The following MCHR2 variants were observed in gnomAD, a reference collection of about 807,000 sequenced individuals.
MCHR2 encodes melanin concentrating hormone receptor 2.
MCHR2 carries 15 observed loss-of-function variants against 24.8 expected under a neutral mutation model. That is an observed-to-expected ratio of 0.60 (90% CI 0.40 to 0.93). The LOEUF is 0.93. Among genes scored for constraint, MCHR2 ranks in the 40% least tolerant of loss-of-function variants. The pLI is 0.00. For synonymous variants in MCHR2, 151 were observed against 147.6 expected, an observed-to-expected ratio of 1.02 and a Z score of -0.17; for missense variants, 386 against 408.7, an observed-to-expected ratio of 0.94 and a Z score of 0.48.
intron 1 of MCHR2, among the ~76,000 whole-genome samples, chr6:99,973,266 A>T (rs9385961): frequency 0.41 from 60,622 of 149,590 alleles, 12,816 homozygotes; most frequent in East Asian, 0.75. Flanking sequence ...GTGCATATTT[A>T]TTTATGATAG....
chr6:99,973,012 GT>G (rs1399504070), intron 1 of MCHR2, among the ~76,000 whole-genome samples: 1 of 152,020 alleles, frequency 6.6e-6, no homozygotes, highest in Non-Finnish European at 1.5e-5. Flanking sequence ...TAGGTGTTGT[GT>G]GGTGCTGAAA....
At chr6:99,972,186 G>C (rs1335098605) in intron 1 of MCHR2, among the ~76,000 whole-genome samples, 1 of 152,152 alleles carries the variant, frequency 6.6e-6, no homozygotes, top group Non-Finnish European at 1.5e-5. Context: ...GAATCCATCT[G>C]GTTCTGGACT....
At chr6:99,946,039 A>G (rs935219775) in intron 3 of MCHR2, among the ~76,000 whole-genome samples, 33 of 151,970 alleles carry the variant, frequency 2.2e-4, no homozygotes, top group Non-Finnish European at 4.1e-4. Context: ...TTTTTCAAAA[A>G]AAGCCAATAT....
At chr6:99,937,758 T>G (rs1027076599) in intron 4 of MCHR2, among the ~76,000 whole-genome samples, 24 of 151,616 alleles carry the variant, frequency 1.6e-4, no homozygotes, top group Non-Finnish European at 2.1e-4. Context: ...TTCATTTTTT[T>G]TTTTTGAAGT....
At chr6:99,924,912 T>C (rs1774318229) in intron 5 of MCHR2, among the ~76,000 whole-genome samples, 1 of 152,160 alleles carries the variant, frequency 6.6e-6, no homozygotes, top group Admixed American at 6.5e-5. Flanking sequence ...ATATATTAGA[T>C]CCATTTGGTC....
At chr6:99,941,123 T>A (rs1342077539) in intron 4 of MCHR2, among the ~76,000 whole-genome samples, 1 of 152,044 alleles carries the variant, frequency 6.6e-6, no homozygotes. Context: ...TCTCGTTTTT[T>A]TCAGTGTAGA....
chr6:99,956,076 A>C lies in MCHR2; in HGVS notation c.72T>G (p.Phe24Leu). The C allele has an allele frequency of 6.2e-7, 1 of 1,613,590 alleles. No individual in the cohort carries two copies. Among genetic ancestry groups the C allele is most frequent in the South Asian group, 1.1e-5 (1 of 91,050 alleles). The change falls in exon 2 of 6, where the codon TTT (phenylalanine) becomes TTG (leucine). Residue 24 changes from phenylalanine (F) to leucine (L), a missense_variant. Physicochemically the swap from Phe to Leu is conservative, Grantham distance 22. Coordinates refer to ENST00000281806, the MANE Select transcript of MCHR2 (RefSeq NM_001040179.2). ...CTACCACACTGGCAGTTTGATAAGCAAACTCTTTATTCCAGGATTTGTTTA... is the reference window on the plus strand; with the variant it reads ...CTACCACACTGGCAGTTTGATAAGCCAACTCTTTATTCCAGGATTTGTTTA... ...ELLNKSWNKE[F>L]AYQTASVVDT...
intron 4 of MCHR2, among the ~76,000 whole-genome samples, chr6:99,942,512 A>G (rs920215952): frequency 4.6e-5 from 7 of 152,144 alleles, no homozygotes; most frequent in Non-Finnish European, 8.8e-5. Flanking sequence ...AAAAAACCCT[A>G]TTTCCAAATA....
chr6:99,932,555 T>C (rs111346430), intron 5 of MCHR2, among the ~76,000 whole-genome samples: 11 of 152,196 alleles, frequency 7.2e-5, no homozygotes, highest in African/African-American at 2.7e-4. Context: ...AAGGCTAGTA[T>C]CAACAGTGAT....
intron 1 of MCHR2, among the ~76,000 whole-genome samples, chr6:99,982,615 G>C (rs920546070): frequency 5.9e-5 from 9 of 151,810 alleles, no homozygotes; most frequent in African/African-American, 2.2e-4. Context: ...CCCTAGCTTG[G>C]GCAACAGAGT....
At position 99,918,947 on chromosome 6, in the gene MCHR2, T is replaced by C. The variant is rs948607003; in HGVS notation, c.*1993A>G. Among the ~76,000 whole-genome samples, 15 of 152,340 alleles carry C rather than the reference T, an allele frequency of 9.8e-5. No homozygotes were observed. Among genetic ancestry groups the C allele is most frequent in the African/African-American group, 2.6e-4 (11 of 41,578 alleles). On this transcript the variant is annotated 3_prime_UTR_variant, in exon 6 of 6. Coordinates refer to ENST00000281806, the MANE Select transcript of MCHR2 (RefSeq NM_001040179.2). ...GTGGTTTAAAGCTAAGTCTTTAAAATCATAATATTTTTCTGTATTAAAAAA... is the reference window on the plus strand; with the variant it reads ...GTGGTTTAAAGCTAAGTCTTTAAAACCATAATATTTTTCTGTATTAAAAAA...
At chr6:99,956,987 C>T (rs1350914193) in intron 1 of MCHR2, among the ~76,000 whole-genome samples, 2 of 151,410 alleles carry the variant, frequency 1.3e-5, no homozygotes, top group African/African-American at 2.4e-5. Flanking sequence ...TGTGTGTCTG[C>T]GTGTGTGTAT....
At chr6:99,975,459 A>G (rs1241460476) in intron 1 of MCHR2, among the ~76,000 whole-genome samples, 4 of 152,194 alleles carry the variant, frequency 2.6e-5, no homozygotes, top group Non-Finnish European at 2.9e-5. Flanking sequence ...CCAATTTTCC[A>G]GGTATCGTCT....
At position 99,934,257 on chromosome 6, in the gene MCHR2, A is replaced by G. The variant is rs575535489; in HGVS notation, c.707+141T>C. ...ATTTAGCACATGTCTTATTTTCCAA[A>G]AATTTTTTCTATAGACATATATCAA... is the stretch of plus-strand genomic sequence containing the variant. On this transcript the variant is annotated intron_variant, in intron 5 of 5. Coordinates refer to ENST00000281806, the MANE Select transcript of MCHR2 (RefSeq NM_001040179.2). The G allele has an allele frequency of 3.3e-5, 26 of 796,356 alleles. No individual in the cohort carries two copies. The East Asian group carries it at 6.4e-4, about 20-fold the overall frequency. The allele number at this position is 796,356 out of a possible 1,614,324, so 49.3% of individuals were successfully genotyped here. A position where few individuals can be genotyped will look rare whatever the true frequency, so the allele number is the denominator to read the frequency against.
intron 2 of MCHR2, among the ~76,000 whole-genome samples, chr6:99,953,981 C>T (rs17059973): frequency 0.019 from 2,911 of 152,026 alleles, 59 homozygotes; most frequent in African/African-American, 0.046. Context: ...GCTGATGAGA[C>T]GCCACCTGGG....
intron 1 of MCHR2, among the ~76,000 whole-genome samples, chr6:99,990,212 A>C (rs1775845261): frequency 6.6e-6 from 1 of 152,250 alleles, no homozygotes; most frequent in Non-Finnish European, 1.5e-5. Context: ...TTACATTAAA[A>C]TTGGAGTAAT....
intron 1 of MCHR2, among the ~76,000 whole-genome samples, chr6:99,973,129 T>C (rs1582404079): frequency 6.6e-6 from 1 of 151,896 alleles, no homozygotes; most frequent in African/African-American, 2.4e-5. Context: ...GTTGACTTTC[T>C]GTCTCGTTGA....
chr6:99,982,216 T>C (rs1041836786), intron 1 of MCHR2, among the ~76,000 whole-genome samples: 2 of 152,058 alleles, frequency 1.3e-5, no homozygotes, highest in Non-Finnish European at 2.9e-5. Context: ...TCTCAGTCTT[T>C]TGTGGTCCAT....
intron 2 of MCHR2, among the ~76,000 whole-genome samples, chr6:99,951,585 A>G (rs1774966610): frequency 6.6e-6 from 1 of 152,150 alleles, no homozygotes; most frequent in Non-Finnish European, 1.5e-5. Context: ...ACTGGACCAC[A>G]GCTCATCTGA....
Sources: gnomAD v4.1 joint callset for allele counts (sites outside exome capture counted in the v4.1 genomes callset) on GRCh38, gnomAD v4.1.1 for gene constraint, MANE v1.5 for transcripts, NCBI Gene and HGNC (gene_info 2026-07-23, HGNC 2026-07-21) for gene names.